MCM9: variants seen among roughly 807,000 people sequenced by gnomAD.
MCM9 encodes the protein minichromosome maintenance 9 homologous recombination repair factor, also known as DNA helicase MCM9.
MCM9 carries 55 observed loss-of-function variants against 72.8 expected under a neutral mutation model. The ratio of observed to expected loss-of-function variants is 0.76; its 90% CI spans 0.61 to 0.95. MCM9 has a LOEUF of 0.95. Ranked by LOEUF, MCM9 falls within the 40% of genes least tolerant of loss-of-function variation. MCM9 has a pLI of 0.00. For synonymous variants in MCM9, 480 were observed against 503.4 expected (o/e 0.95, Z 0.62); for missense variants, 1,279 against 1,377.0 (o/e 0.93, Z 1.13).
chr6:118,895,267 CCCGGGATGCG>C (rs887105410), intron 8 of MCM9, among the ~76,000 whole-genome samples: 2 of 152,018 alleles, frequency 1.3e-5, no homozygotes, highest in African/African-American at 4.8e-5. Flanking sequence ...TCGGCCGGCG[CCCGGGATGCG>C]CCGGGATGCT....
At chr6:118,850,394 A>AT (rs1024639724) in intron 9 of MCM9, among the ~76,000 whole-genome samples, 13 of 151,978 alleles carry the variant, frequency 8.6e-5, no homozygotes, top group African/African-American at 2.9e-4. Flanking sequence ...TTGAAGAGTC[A>AT]TAAGTATCTT....
In MCM9 at chr6:118,856,365, T is replaced by G; in HGVS notation, c.1325+6A>C. The G allele has an allele frequency of 2.6e-6, 4 of 1,527,226 alleles. No homozygotes were observed. Among genetic ancestry groups the G allele is most frequent in the Non-Finnish European group, 3.5e-6 (4 of 1,144,408 alleles). The allele number at this position is 1,527,226 out of a possible 1,614,324, so 94.6% of individuals were successfully genotyped here. ...TTATTCCCATAGATTTTAAAGAAAC[T>G]CTTACCCAGCCTTAGCAACACTTAT... On this transcript the variant is annotated splice_donor_region_variant and intron_variant, in intron 9 of 13. Coordinates refer to ENST00000619706, the MANE Select transcript of MCM9 (RefSeq NM_017696.3).
At chr6:118,828,559 A>C (rs879688351) in intron 10 of MCM9, among the ~76,000 whole-genome samples, 6 of 151,680 alleles carry the variant, frequency 4.0e-5, no homozygotes, top group Non-Finnish European at 8.8e-5. Context: ...CTGATTTTTG[A>C]ATTTTAGTAG....
At chr6:118,828,249 A>T in intron 10 of MCM9, 119 bp from the exon 11 acceptor site, 2 of 808,726 alleles carry the variant, frequency 2.5e-6, no homozygotes, top group South Asian at 3.7e-5. Flanking sequence ...TTTTGTGGTT[A>T]TTGAAATCTA....
chr6:118,841,500 T>C (rs1318930838), intron 9 of MCM9, among the ~76,000 whole-genome samples: 3 of 152,156 alleles, frequency 2.0e-5, no homozygotes, highest in Non-Finnish European at 2.9e-5. Context: ...CCCTGTACAA[T>C]AGCAGTGGTT....
intron 8 of MCM9, among the ~76,000 whole-genome samples, chr6:118,863,269 C>T (rs981516133): frequency 8.5e-5 from 13 of 152,184 alleles, no homozygotes; most frequent in East Asian, 7.7e-4. Flanking sequence ...TCTGTCATTA[C>T]GAGGTACTTA....
chr6:118,822,090 A>C (rs1773853105), intron 13 of MCM9, among the ~76,000 whole-genome samples: 1 of 151,868 alleles, frequency 6.6e-6, no homozygotes, highest in Non-Finnish European at 1.5e-5. Flanking sequence ...AGCTTGGAGG[A>C]GTTTGTTATT....
Position 118,815,984 on chromosome 6 carries a change from T to A in MCM9, c.2272A>T (p.Thr758Ser), listed in dbSNP as rs79670608. Residue 758 changes from threonine to serine, a missense_variant, in exon 14 of 14, where the codon ACT becomes TCT. Coordinates refer to ENST00000619706, the MANE Select transcript of MCM9 (RefSeq NM_017696.3). ...TTGGGATGAGGAGACACAACAACAG[T>A]GTTTTTAGGTTCACTCTGATGAGTT... is the stretch of plus-strand genomic sequence containing the variant. ...MATHQSEPKN[T>S]VVVSPHPKTS... 2 of 1,550,546 alleles carry A rather than the reference T, an allele frequency of 1.3e-6. No individual in the cohort carries two copies. The highest frequency in any genetic ancestry group is 1.7e-6 in the Non-Finnish European group (2 of 1,146,954).
intron 8 of MCM9, among the ~76,000 whole-genome samples, chr6:118,907,093 A>G (rs989987674): frequency 1.3e-5 from 2 of 152,170 alleles, no homozygotes; most frequent in Non-Finnish European, 2.9e-5. Flanking sequence ...TGAAGCATTC[A>G]TTTTCAAAAA....
intron 8 of MCM9, among the ~76,000 whole-genome samples, chr6:118,863,378 T>A (rs1369713311): frequency 1.3e-5 from 2 of 152,050 alleles, no homozygotes; most frequent in African/African-American, 4.8e-5. Flanking sequence ...AAAAAGTTTT[T>A]AAAAAGGCAT....
chr6:118,813,860 T>C lies in MCM9; in HGVS notation c.*964A>G, dbSNP rs1218530270. 1.3e-5 allele frequency: 2 copies of C among 152,138 alleles called. No individual in the cohort carries two copies. The highest frequency in any genetic ancestry group is 4.8e-5 in the African/African-American group (2 of 41,414). 9.4% of individuals were successfully genotyped at this position (152,138 alleles called of 1,614,324 possible). On this transcript the variant is annotated 3_prime_UTR_variant, in exon 14 of 14. Transcript: ENST00000619706. Reference sequence around the variant, plus strand: ...AACCAGCTGGGTAGATGAGACATGATGTTTGATTGAGACTACCACATAGTC... The same window carrying C: ...AACCAGCTGGGTAGATGAGACATGACGTTTGATTGAGACTACCACATAGTC...
intron 6 of MCM9, among the ~76,000 whole-genome samples, chr6:118,915,867 C>G (rs141114028): frequency 2.6e-5 from 4 of 152,310 alleles, no homozygotes; most frequent in African/African-American, 9.6e-5. Context: ...GCTCATGCAA[C>G]AGTAGCCTAA....
At chr6:118,844,254 A>G (rs1024553077) in intron 9 of MCM9, among the ~76,000 whole-genome samples, 1 of 151,772 alleles carries the variant, frequency 6.6e-6, no homozygotes, top group African/African-American at 2.4e-5. Flanking sequence ...ATTAGGGGTA[A>G]TGAACTTAAG....
intron 8 of MCM9, chr6:118,894,213 G>A: frequency 7.1e-7 from 1 of 1,409,320 alleles, no homozygotes; most frequent in South Asian, 1.6e-5. Flanking sequence ...ATGGGCTGTA[G>A]TTTAGTGAAA....
chr6:118,827,337 A>G lies in MCM9; in HGVS notation c.1733-473T>C, dbSNP rs368759605. Among the ~76,000 whole-genome samples the G allele has an allele frequency of 2.2e-4, 33 of 152,346 alleles. No individual in the cohort carries two copies. In the East Asian group the frequency reaches 3.3e-3, roughly 15 times the overall value. ...AAAAAAGAAAGTCCATTTGTTTTAC[A>G]GTATTTTTTATTAAGCTTGTATTAT... On this transcript the variant is annotated intron_variant, in intron 11 of 13. Coordinates refer to ENST00000619706, the MANE Select transcript of MCM9 (RefSeq NM_017696.3).
At chr6:118,890,795 G>GCCT (rs1454762918) in intron 8 of MCM9, among the ~76,000 whole-genome samples, 1 of 152,048 alleles carries the variant, frequency 6.6e-6, no homozygotes, top group African/African-American at 2.4e-5. Context: ...ATAAAAAGGA[G>GCCT]CCTCTTAAAC....
chr6:118,919,431 C>T (rs1040793970), intron 5 of MCM9: 3 of 152,248 alleles, frequency 2.0e-5, no homozygotes, highest in Admixed American at 1.3e-4. Context: ...AGAATTAGAT[C>T]GGATAATGTA....
intron 9 of MCM9, among the ~76,000 whole-genome samples, chr6:118,845,840 G>A (rs1184779652): frequency 6.6e-6 from 1 of 151,638 alleles, no homozygotes; most frequent in Non-Finnish European, 1.5e-5. Context: ...TAACCCTAGA[G>A]GCAACCTACC....
chr6:118,823,600 T>C (rs973783718), intron 13 of MCM9, among the ~76,000 whole-genome samples: 1 of 152,236 alleles, frequency 6.6e-6, no homozygotes, highest in African/African-American at 2.4e-5. Context: ...TGAGGGAGGA[T>C]GACTTCCTAA....
Sources: allele counts gnomAD v4.1 joint callset (sites outside exome capture counted in the v4.1 genomes callset), GRCh38; gene constraint gnomAD v4.1.1; transcripts MANE v1.5; gene names NCBI Gene and HGNC (gene_info 2026-07-23, HGNC 2026-07-21).